The following DNAH6 variants were observed in gnomAD, a reference collection of about 807,000 sequenced individuals.
The protein encoded by DNAH6 is dynein axonemal heavy chain 6, also known as axonemal beta dynein heavy chain 6.
In DNAH6, 340 loss-of-function variants were observed where a neutral mutation model predicts 491.4. The observed-to-expected ratio is 0.69, with a 90% CI of 0.63 to 0.76. The LOEUF is 0.76. Ranked by LOEUF, DNAH6 falls within the 30% of genes least tolerant of loss-of-function variation. The pLI, the probability that DNAH6 is intolerant of heterozygous loss-of-function variation, is 0.00. For missense variants in DNAH6, 4,443 were observed against 4,972.2 expected (o/e 0.89, Z 3.20); for synonymous variants, 1,603 against 1,686.1 (o/e 0.95, Z 1.21).
At chr2:84,762,196 G>C (rs1320190345) in intron 63 of DNAH6, among the ~76,000 whole-genome samples, 1 of 152,162 alleles carries the variant, frequency 6.6e-6, no homozygotes, top group Admixed American at 6.5e-5. Flanking sequence ...GAAGAGGCTG[G>C]TGAGTGAATG....
At chr2:84,506,979 G>A in the DNAH6 span, among the ~76,000 whole-genome samples, 3 of 152,184 alleles carry the variant, frequency 2.0e-5, no homozygotes, top group Admixed American at 6.5e-5. Context: ...GCCTTGTAGT[G>A]TAGTTTGAAG....
intron 33 of DNAH6, among the ~76,000 whole-genome samples, chr2:84,647,749 T>C (rs1690037297): frequency 6.6e-6 from 1 of 152,222 alleles, no homozygotes; most frequent in African/African-American, 2.4e-5. Flanking sequence ...ATGAATTATC[T>C]TTTATTATTA....
intron 37 of DNAH6, among the ~76,000 whole-genome samples, chr2:84,665,953 A>C (rs1692084025): frequency 6.6e-6 from 1 of 152,198 alleles, no homozygotes; most frequent in South Asian, 2.1e-4. Flanking sequence ...CAGCATACAC[A>C]AATCAATAAA....
the DNAH6 span, among the ~76,000 whole-genome samples, chr2:84,494,284 G>C: frequency 1.3e-5 from 2 of 152,196 alleles, no homozygotes; most frequent in Non-Finnish European, 2.9e-5. Flanking sequence ...CATCAATGTT[G>C]ATTTGTTTGC....
At position 84,640,423 on chromosome 2, in the gene DNAH6, A is replaced by G. The variant is rs1168373440; in HGVS notation, c.4822-7A>G. The G allele has an allele frequency of 6.9e-7, 1 of 1,442,972 alleles. No homozygotes were observed. The highest frequency in any genetic ancestry group is 9.5e-7 in the Non-Finnish European group (1 of 1,050,542). The allele number at this position is 1,442,972 out of a possible 1,614,324, so 89.4% of individuals were successfully genotyped here. A position where few individuals can be genotyped will look rare whatever the true frequency, so the allele number is the denominator to read the frequency against. ...TAATAAGCATTGCATTATTTTTTCTATTCTAGGTAATTCTATATTCTGAAG... is the reference window on the plus strand; with the variant it reads ...TAATAAGCATTGCATTATTTTTTCTGTTCTAGGTAATTCTATATTCTGAAG... On this transcript the variant is annotated splice_polypyrimidine_tract_variant and splice_region_variant and intron_variant, in intron 31 of 76. Coordinates refer to ENST00000389394, the MANE Select transcript of DNAH6 (RefSeq NM_001370.2).
chr2:84,573,723 A>C (rs1682133165), intron 12 of DNAH6, 136 bp downstream of exon 12: 9 of 655,636 alleles, frequency 1.4e-5, no homozygotes, highest in Non-Finnish European at 2.2e-5. Context: ...GGCAAGAGTT[A>C]ATTCATTTCT....
chr2:84,573,691 C>A, intron 12 of DNAH6, 104 bp downstream of exon 12: 3 of 999,558 alleles, frequency 3.0e-6, no homozygotes, highest in Non-Finnish European at 2.8e-6. Flanking sequence ...AATGGTAGCC[C>A]AAAAGAGTTG....
chr2:84,729,084 T>C (rs1406788899), intron 61 of DNAH6, among the ~76,000 whole-genome samples: 1 of 152,158 alleles, frequency 6.6e-6, no homozygotes, highest in African/African-American at 2.4e-5. Flanking sequence ...CAGATGTTCC[T>C]TCCTCCCTGA....
rs1276233248 is a variant in DNAH6, at chr2:84,621,348, C to G, written c.3950C>G (p.Pro1317Arg). ...ACAGACTGGGTGGTTGCTGGCCACC[C>G]TTCTCAAGTAACTCACACTCACATT... ...LRTDWVVAGH[P>R]SQVILTVSQI... The change falls in exon 25 of 77, where the codon CCT becomes CGT. Residue 1317 changes from proline (P) to arginine (R), a missense_variant. Pro to Arg is a moderately radical substitution (Grantham distance 103). Transcript: ENST00000389394. The G allele has an allele frequency of 6.4e-7, 1 of 1,551,482 alleles. No individual in the cohort carries two copies. Among genetic ancestry groups the G allele is most frequent in the South Asian group, 1.2e-5 (1 of 84,050 alleles).
At position 84,703,433 on chromosome 2, in the gene DNAH6, A is replaced by G. The variant is rs765406077; in HGVS notation, c.8100A>G (p.Leu2700=). 1 of 1,546,596 alleles carries G rather than the reference A, an allele frequency of 6.5e-7. No homozygotes were observed. The highest frequency in any genetic ancestry group is 1.2e-5 in the South Asian group (1 of 83,114). ...TGAAGAATGGTCTCACCAAGCTACTAGAAACAAACATACTAGTAGATAAAA... is the reference window on the plus strand; with the variant it reads ...TGAAGAATGGTCTCACCAAGCTACTGGAAACAAACATACTAGTAGATAAAA... The part of the protein sequence containing the change: ...DRVKNGLTKL[L]ETNILVDKMK... Residue 2700 remains leucine (L), a synonymous_variant, in exon 50 of 77, where the codon CTA becomes CTG. Coordinates refer to ENST00000389394, the MANE Select transcript of DNAH6 (RefSeq NM_001370.2).
chr2:84,797,942 A>T (rs750716471), intron 70 of DNAH6, among the ~76,000 whole-genome samples: 9 of 152,072 alleles, frequency 5.9e-5, no homozygotes, highest in Non-Finnish European at 1.0e-4. Flanking sequence ...CAGTCCAACA[A>T]TTACATGAGG....
At chr2:84,626,776 ATT>A (rs1052396620) in intron 29 of DNAH6, among the ~76,000 whole-genome samples, 2 of 151,914 alleles carry the variant, frequency 1.3e-5, no homozygotes, top group African/African-American at 4.8e-5. Context: ...TAATTTTTGT[ATT>A]TTTAGCGGAG....
At chr2:84,553,365 T>TTTTCTTTC (rs869077601) in intron 10 of DNAH6, among the ~76,000 whole-genome samples, 12 of 19,760 alleles carry the variant, frequency 6.1e-4, no homozygotes, top group Non-Finnish European at 1.0e-3. Context: ...TTTTCTTTTC[T>TTTTCTTTC]TTTCTTTCTT....
intron 32 of DNAH6, among the ~76,000 whole-genome samples, chr2:84,641,342 C>G (rs1015950992): frequency 1.3e-5 from 2 of 152,148 alleles, no homozygotes; most frequent in Non-Finnish European, 2.9e-5. Context: ...TTTAACCTCT[C>G]AGATATAGTA....
chr2:84,687,181 C>T (rs1694347627), intron 44 of DNAH6, among the ~76,000 whole-genome samples: 2 of 152,148 alleles, frequency 1.3e-5, no homozygotes, highest in South Asian at 4.1e-4. Context: ...CCTAATTTTA[C>T]CCTCTGGTAA....
chr2:84,729,360 G>A (rs1386084747), intron 61 of DNAH6, among the ~76,000 whole-genome samples: 1 of 152,164 alleles, frequency 6.6e-6, no homozygotes, highest in East Asian at 1.9e-4. Flanking sequence ...CTTGCAGTCT[G>A]TAAAGCCTGC....
chr2:84,658,315 T>A lies in DNAH6; in HGVS notation c.5781T>A (p.Tyr1927Ter), dbSNP rs894883996. The A allele has an allele frequency of 1.3e-6, 2 of 1,538,386 alleles. No individual in the cohort carries two copies. Among genetic ancestry groups the A allele is most frequent in the Non-Finnish European group, 1.8e-6 (2 of 1,141,048 alleles). ...SKKLTEETQE[Y>*]ILNLFQRYVD... ...AGCTGACTGAGGAAACCCAAGAATA[T>A]ATATTGAATCTTTTCCAACGTTATG... The change falls in exon 36 of 77, where the codon TAT becomes TAA. Residue 1927 changes from tyrosine to a stop codon, truncating the protein, a stop_gained. Transcript: ENST00000389394. LOFTEE classifies it high-confidence loss of function.
the DNAH6 span, among the ~76,000 whole-genome samples, chr2:84,482,165 G>A: frequency 6.6e-6 from 1 of 152,114 alleles, no homozygotes; most frequent in Non-Finnish European, 1.5e-5. Context: ...TAATTTTTAG[G>A]GGGCATTCCT....
intron 3 of DNAH6, among the ~76,000 whole-genome samples, chr2:84,526,268 C>T (rs545498949): frequency 2.8e-4 from 42 of 152,088 alleles, no homozygotes; most frequent in African/African-American, 9.2e-4. Flanking sequence ...AAAGGCATAC[C>T]TACAGTAAAG....
Sources: allele counts gnomAD v4.1 joint callset (sites outside exome capture counted in the v4.1 genomes callset), GRCh38; gene constraint gnomAD v4.1.1; transcripts MANE v1.5; gene names NCBI Gene and HGNC (gene_info 2026-07-23, HGNC 2026-07-21).